SLC8A1: variants seen among roughly 807,000 people sequenced by gnomAD.
The protein encoded by SLC8A1 is solute carrier family 8 member A1, also known as sodium/calcium exchanger 1.
A neutral mutation model predicts 68.3 loss-of-function variants in SLC8A1; 18 were observed. The ratio of observed to expected loss-of-function variants is 0.26; its 90% CI spans 0.18 to 0.39. The LOEUF is 0.39. Among genes scored for constraint, SLC8A1 ranks in the 10% least tolerant of loss-of-function variants. The probability of loss-of-function intolerance (pLI) is 1.00; values close to 1 mark genes in which losing one functional copy is unlikely to be tolerated. For synonymous variants in SLC8A1, 475 were observed against 415.5 expected, an observed-to-expected ratio of 1.14 and a Z score of -1.74; for missense variants, 985 against 1,156.7, an observed-to-expected ratio of 0.85 and a Z score of 2.15.
chr2:40,324,619 C>T (rs566890269), intron 2 of SLC8A1, among the ~76,000 whole-genome samples: 54 of 152,066 alleles, frequency 3.6e-4, no homozygotes, highest in Non-Finnish European at 5.7e-4. Context: ...TTTTGTTCAT[C>T]CACTGGGGAG....
At chr2:40,384,177 A>G (rs1682839330) in intron 2 of SLC8A1, among the ~76,000 whole-genome samples, 1 of 152,038 alleles carries the variant, frequency 6.6e-6, no homozygotes, top group African/African-American at 2.4e-5. Flanking sequence ...GATCACATGA[A>G]TCCCAGGAGT....
intron 7 of SLC8A1, among the ~76,000 whole-genome samples, chr2:40,127,400 C>T (rs2038359354): frequency 6.6e-6 from 1 of 152,196 alleles, no homozygotes; most frequent in African/African-American, 2.4e-5. Context: ...TCCCCTTGAG[C>T]AACCAGAACT....
chr2:40,246,023 C>G (rs891695185), intron 2 of SLC8A1, among the ~76,000 whole-genome samples: 3 of 152,226 alleles, frequency 2.0e-5, no homozygotes, highest in African/African-American at 7.2e-5. Flanking sequence ...GCCATATGAC[C>G]TGTCTTAGAC....
At chr2:40,360,216 C>T (rs903836738) in intron 2 of SLC8A1, among the ~76,000 whole-genome samples, 2 of 152,168 alleles carry the variant, frequency 1.3e-5, no homozygotes, top group Non-Finnish European at 2.9e-5. Flanking sequence ...ATGCCCAGCA[C>T]ACTGTCCAGC....
chr2:40,218,848 G>C (rs1384494797), intron 2 of SLC8A1, among the ~76,000 whole-genome samples: 4 of 152,166 alleles, frequency 2.6e-5, no homozygotes, highest in African/African-American at 4.8e-5. Flanking sequence ...CATGTTCTGG[G>C]AATCTGGGCT....
intron 2 of SLC8A1, among the ~76,000 whole-genome samples, chr2:40,351,452 A>G (rs1180104868): frequency 6.6e-6 from 1 of 151,768 alleles, no homozygotes; most frequent in Admixed American, 6.6e-5. Flanking sequence ...GCTTCATCAT[A>G]CTACTACTTT....
chr2:40,132,947 T>C (rs2039687795), intron 7 of SLC8A1, among the ~76,000 whole-genome samples: 1 of 152,368 alleles, frequency 6.6e-6, no homozygotes, highest in Middle Eastern at 3.4e-3. Flanking sequence ...GTGTTTTCTA[T>C]TCCTTTTGAC....
At chr2:40,111,951 C>T (rs192925257) in exon 8 of SLC8A1, 52 of 152,050 alleles carry the variant, frequency 3.4e-4, no homozygotes, top group African/African-American at 1.2e-3. Context: ...TACTAAGCAA[C>T]GTAAAAAAAA....
intron 2 of SLC8A1, among the ~76,000 whole-genome samples, chr2:40,291,043 A>AG (rs1376800742): frequency 2.0e-5 from 3 of 152,194 alleles, no homozygotes; most frequent in African/African-American, 7.2e-5. Context: ...ATTGAACATC[A>AG]GGATTGGAAT....
chr2:40,445,253 A>G (rs1010358003), intron 1 of SLC8A1, among the ~76,000 whole-genome samples: 6 of 152,202 alleles, frequency 3.9e-5, no homozygotes, highest in African/African-American at 1.2e-4. Context: ...TGTTATAACT[A>G]TCATGAATAT....
intron 4 of SLC8A1, among the ~76,000 whole-genome samples, chr2:40,173,884 C>G (rs1263988079): frequency 2.0e-5 from 3 of 152,142 alleles, no homozygotes; most frequent in Non-Finnish European, 4.4e-5. Context: ...GCACAGATGA[C>G]TCTAAAAGGG....
chr2:40,363,226 AT>A (rs1198327924), intron 2 of SLC8A1, among the ~76,000 whole-genome samples: 2 of 152,096 alleles, frequency 1.3e-5, no homozygotes, highest in South Asian at 4.1e-4. Context: ...AACATGCTTT[AT>A]TTTTTTAATT....
At chr2:40,245,585 A>G (rs1017471750) in intron 2 of SLC8A1, among the ~76,000 whole-genome samples, 24 of 152,158 alleles carry the variant, frequency 1.6e-4, no homozygotes, top group Non-Finnish European at 5.9e-5. Flanking sequence ...AGTAATATAC[A>G]AGATCCACTT....
At chr2:40,169,136 C>A (rs1187222362) in intron 4 of SLC8A1, among the ~76,000 whole-genome samples, 2 of 152,180 alleles carry the variant, frequency 1.3e-5, no homozygotes, top group Non-Finnish European at 2.9e-5. Context: ...GAAGCAGAGT[C>A]AGTGTAAGAG....
At chr2:40,502,213 C>T (rs1431977143) in intron 1 of SLC8A1, among the ~76,000 whole-genome samples, 2 of 152,034 alleles carry the variant, frequency 1.3e-5, no homozygotes, top group Admixed American at 6.6e-5. Context: ...GTACTCATTG[C>T]TACATGGTTT....
chr2:40,163,923 C>G (rs1422124058), intron 5 of SLC8A1, among the ~76,000 whole-genome samples: 2 of 152,184 alleles, frequency 1.3e-5, no homozygotes, highest in Non-Finnish European at 1.5e-5. Flanking sequence ...CAGATAAAAT[C>G]TGAAACTTCT....
At chr2:40,400,214 C>G (rs1440856647) in intron 2 of SLC8A1, among the ~76,000 whole-genome samples, 4 of 152,186 alleles carry the variant, frequency 2.6e-5, no homozygotes, top group Non-Finnish European at 5.9e-5. Flanking sequence ...AAACCCCTTC[C>G]TTCTTTAACT....
chr2:40,324,944 G>C (rs926296596), intron 2 of SLC8A1, among the ~76,000 whole-genome samples: 1 of 152,104 alleles, frequency 6.6e-6, no homozygotes, highest in Non-Finnish European at 1.5e-5. Context: ...ATGTGGCTGA[G>C]ATATGGCCCT....
At chr2:40,141,863 A>T (rs895498008) in intron 6 of SLC8A1, among the ~76,000 whole-genome samples, 4 of 152,206 alleles carry the variant, frequency 2.6e-5, no homozygotes, top group African/African-American at 9.6e-5. Flanking sequence ...GGGAGATACC[A>T]GGGATGTGCG....
Sources: gnomAD v4.1 joint callset for allele counts (sites outside exome capture counted in the v4.1 genomes callset) on GRCh38, gnomAD v4.1.1 for gene constraint, MANE v1.5 for transcripts, NCBI Gene and HGNC (gene_info 2026-07-23, HGNC 2026-07-21) for gene names.